The following SLX4IP variants were observed in gnomAD, a reference collection of about 807,000 sequenced individuals.
SLX4IP encodes SLX4 interacting protein.
A neutral mutation model predicts 32.9 loss-of-function variants in SLX4IP; 34 were observed. That is an observed-to-expected ratio of 1.03 (90% CI 0.79 to 1.38). The LOEUF (loss-of-function observed/expected upper bound fraction) is 1.38. Among genes scored for constraint, SLX4IP ranks in the 40% most tolerant of loss-of-function variants. The pLI is 0.00. For synonymous variants in SLX4IP, 172 were observed against 171.7 expected (o/e 1.00, Z -0.01); for missense variants, 444 against 479.0 (o/e 0.93, Z 0.68).
intron 2 of SLX4IP, among the ~76,000 whole-genome samples, chr20:10,551,323 G>A (rs902785518): frequency 2.6e-5 from 4 of 152,142 alleles, no homozygotes; most frequent in African/African-American, 7.2e-5. Flanking sequence ...CAGAGTTGTC[G>A]CTACTCCAGA....
intron 1 of SLX4IP, among the ~76,000 whole-genome samples, chr20:10,440,136 A>C (rs557569222): frequency 7.0e-6 from 1 of 143,076 alleles, no homozygotes; most frequent in Non-Finnish European, 1.5e-5. Context: ...AAAAGATTGC[A>C]TTTTTTTTTT....
intron 6 of SLX4IP, among the ~76,000 whole-genome samples, chr20:10,602,318 C>A (rs1029054495): frequency 2.6e-5 from 4 of 152,056 alleles, no homozygotes; most frequent in Non-Finnish European, 5.9e-5. Context: ...GTCTCTCTGT[C>A]TCTCTGTCTC....
intron 2 of SLX4IP, among the ~76,000 whole-genome samples, chr20:10,528,725 T>C (rs2065960101): frequency 6.6e-6 from 1 of 151,878 alleles, no homozygotes. Flanking sequence ...GAAGAGAAAA[T>C]CTTTGATACC....
chr20:10,562,294 C>G (rs956106381), intron 4 of SLX4IP, among the ~76,000 whole-genome samples: 1 of 152,060 alleles, frequency 6.6e-6, no homozygotes, highest in African/African-American at 2.4e-5. Context: ...GGAGGTGGCT[C>G]TCCGCGAGGT....
At chr20:10,459,542 A>T (rs1432388315) in intron 2 of SLX4IP, among the ~76,000 whole-genome samples, 1 of 152,206 alleles carries the variant, frequency 6.6e-6, no homozygotes, top group Non-Finnish European at 1.5e-5. Flanking sequence ...CTTTTTGGTC[A>T]TCACTTGGTC....
chr20:10,565,021 G>T (rs1182065131), intron 4 of SLX4IP, among the ~76,000 whole-genome samples: 1 of 152,104 alleles, frequency 6.6e-6, no homozygotes, highest in Non-Finnish European at 1.5e-5. Flanking sequence ...TAGGTTTGTG[G>T]TTTTTGCCTT....
In SLX4IP at chr20:10,627,045, A is replaced by T. The variant is rs1284670295; in HGVS notation, c.*3666A>T. ...TAAGGGAAGGAAACCTCTGCTCAAG[A>T]GAGTGGCCTGGGATCACAGTGTCGT... On this transcript the variant is annotated 3_prime_UTR_variant, in exon 8 of 8. Coordinates refer to ENST00000334534, the MANE Select transcript of SLX4IP (RefSeq NM_001009608.3). 6.6e-6 allele frequency: 1 copy of T among 152,274 alleles called. No individual in the cohort carries two copies. Among genetic ancestry groups the T allele is most frequent in the Admixed American group, 6.5e-5 (1 of 15,298 alleles). The allele number at this position is 152,274 out of a possible 1,614,324, so 9.4% of individuals were successfully genotyped here.
At chr20:10,584,680 A>T (rs1428061566) in intron 4 of SLX4IP, among the ~76,000 whole-genome samples, 2 of 152,202 alleles carry the variant, frequency 1.3e-5, no homozygotes, top group African/African-American at 4.8e-5. Flanking sequence ...GGAGATTCAA[A>T]TTTCCCAAGT....
chr20:10,554,571 TG>T, intron 2 of SLX4IP, among the ~76,000 whole-genome samples: 1 of 152,328 alleles, frequency 6.6e-6, no homozygotes, highest in South Asian at 2.1e-4. Context: ...TATGAGAGTC[TG>T]GGTTGTTCCA....
chr20:10,560,943 T>TA (rs2066326305), intron 4 of SLX4IP, 123 bp downstream of exon 4: 2 of 972,950 alleles, frequency 2.1e-6, no homozygotes, highest in Non-Finnish European at 2.7e-6. Context: ...AAATATGTCC[T>TA]AATGAAGATA....
intron 2 of SLX4IP, among the ~76,000 whole-genome samples, chr20:10,475,510 G>A (rs1162407759): frequency 6.6e-6 from 1 of 152,186 alleles, no homozygotes; most frequent in Non-Finnish European, 1.5e-5. Context: ...GGGCCTGGAG[G>A]TAGCTTCAGG....
intron 2 of SLX4IP, among the ~76,000 whole-genome samples, chr20:10,528,042 A>G (rs897742786): frequency 6.6e-6 from 1 of 152,170 alleles, no homozygotes; most frequent in Non-Finnish European, 1.5e-5. Context: ...TTTTAAAAAA[A>G]TGTTGACAGG....
At chr20:10,468,368 C>T (rs1211270247) in intron 2 of SLX4IP, among the ~76,000 whole-genome samples, 2 of 152,170 alleles carry the variant, frequency 1.3e-5, no homozygotes, top group Admixed American at 6.6e-5. Flanking sequence ...GTAATGTTTT[C>T]TTAACATCAT....
chr20:10,600,066 G>A (rs1047051327), intron 5 of SLX4IP, among the ~76,000 whole-genome samples: 1 of 151,940 alleles, frequency 6.6e-6, no homozygotes, highest in African/African-American at 2.4e-5. Context: ...GGGGGAGGTG[G>A]AAAAATAATG....
At chr20:10,442,614 A>G (rs1401788932) in intron 1 of SLX4IP, among the ~76,000 whole-genome samples, 1 of 152,232 alleles carries the variant, frequency 6.6e-6, no homozygotes, top group East Asian at 1.9e-4. Flanking sequence ...TACACTTCTT[A>G]AAAACAGGCA....
chr20:10,607,750 C>T, intron 6 of SLX4IP, among the ~76,000 whole-genome samples: 1 of 151,126 alleles, frequency 6.6e-6, no homozygotes, highest in Non-Finnish European at 1.5e-5. Context: ...TTTCTCTAGA[C>T]TAAGATGGAG....
At chr20:10,579,635 A>C (rs1423467975) in intron 4 of SLX4IP, among the ~76,000 whole-genome samples, 1 of 152,084 alleles carries the variant, frequency 6.6e-6, no homozygotes, top group African/African-American at 2.4e-5. Context: ...CATGTTGGCC[A>C]AGCTGGTCTC....
intron 2 of SLX4IP, among the ~76,000 whole-genome samples, chr20:10,484,985 G>A (rs139955090): frequency 1.3e-5 from 2 of 152,148 alleles, no homozygotes; most frequent in African/African-American, 4.8e-5. Context: ...CTTGAATGGG[G>A]GACCTCGAAG....
At chr20:10,615,524 T>C (rs1460578819) in intron 6 of SLX4IP, among the ~76,000 whole-genome samples, 1 of 152,178 alleles carries the variant, frequency 6.6e-6, no homozygotes, top group Admixed American at 6.5e-5. Context: ...CTGAGGACTT[T>C]GTGTCTGCAG....
Sources: gnomAD v4.1 joint callset for allele counts (sites outside exome capture counted in the v4.1 genomes callset) on GRCh38, gnomAD v4.1.1 for gene constraint, MANE v1.5 for transcripts, NCBI Gene and HGNC (gene_info 2026-07-23, HGNC 2026-07-21) for gene names.